CSMD3: variants seen among roughly 807,000 people sequenced by gnomAD.
CSMD3 encodes the protein CUB and sushi domain-containing protein 3.
In CSMD3, 177 loss-of-function variants were observed where a neutral mutation model predicts 435.2. The observed-to-expected ratio is 0.41, with a 90% confidence interval of 0.36 to 0.46. The LOEUF (loss-of-function observed/expected upper bound fraction) is 0.46, where lower values mean the gene tolerates loss of function less well. CSMD3 is among the 20% of genes least tolerant of loss of function. CSMD3 has a pLI of 0.34. For synonymous variants in CSMD3, 1,656 were observed against 1,520.5 expected, an observed-to-expected ratio of 1.09 and a Z score of -2.07; for missense variants, 4,265 against 4,504.6, an observed-to-expected ratio of 0.95 and a Z score of 1.52.
intron 1 of CSMD3, among the ~76,000 whole-genome samples, chr8:113,338,349 T>C (rs1289618295): frequency 6.6e-6 from 1 of 151,920 alleles, no homozygotes; most frequent in African/African-American, 2.4e-5. Flanking sequence ...AGATTATACA[T>C]AGAGTACCAT....
At chr8:112,987,927 A>G (rs1345469747) in intron 6 of CSMD3, among the ~76,000 whole-genome samples, 1 of 151,912 alleles carries the variant, frequency 6.6e-6, no homozygotes, top group African/African-American at 2.4e-5. Flanking sequence ...AGAGGAGGGC[A>G]ATGATGGGGA....
intron 7 of CSMD3, among the ~76,000 whole-genome samples, chr8:112,959,224 T>C (rs1207830451): frequency 1.3e-5 from 2 of 152,054 alleles, no homozygotes; most frequent in African/African-American, 2.4e-5. Flanking sequence ...TTAACTTTCA[T>C]GTTTGCATGG....
chr8:112,454,463 A>T (rs576052203), intron 32 of CSMD3, among the ~76,000 whole-genome samples: 24 of 152,344 alleles, frequency 1.6e-4, no homozygotes, highest in African/African-American at 5.5e-4. Flanking sequence ...TAACATGAAC[A>T]GGCATTTCTC....
chr8:112,346,871 G>T (rs1825729887), intron 40 of CSMD3, among the ~76,000 whole-genome samples: 1 of 151,486 alleles, frequency 6.6e-6, no homozygotes, highest in Admixed American at 6.6e-5. Context: ...GTAGAGACGG[G>T]GGTTTCATTG....
At chr8:112,582,210 G>A (rs887925295) in intron 23 of CSMD3, among the ~76,000 whole-genome samples, 2 of 151,844 alleles carry the variant, frequency 1.3e-5, no homozygotes, top group African/African-American at 2.4e-5. Flanking sequence ...TTGTCCCTTT[G>A]CTCTCTTGCT....
intron 4 of CSMD3, among the ~76,000 whole-genome samples, chr8:113,121,587 A>G (rs914563029): frequency 9.9e-5 from 15 of 152,142 alleles, no homozygotes; most frequent in Non-Finnish European, 1.9e-4. Flanking sequence ...TCAAAATACT[A>G]CATAATGGCT....
At chr8:112,385,622 T>C (rs1829870991) in intron 36 of CSMD3, among the ~76,000 whole-genome samples, 1 of 152,020 alleles carries the variant, frequency 6.6e-6, no homozygotes, top group Non-Finnish European at 1.5e-5. Context: ...AATGAGAGAC[T>C]CAAGTGTATT....
At chr8:112,437,598 T>C (rs964578496) in intron 32 of CSMD3, among the ~76,000 whole-genome samples, 2 of 151,880 alleles carry the variant, frequency 1.3e-5, no homozygotes, top group Admixed American at 6.6e-5. Context: ...TATATATATA[T>C]ACACAGATCT....
chr8:112,521,922 T>G (rs531757507), intron 27 of CSMD3, among the ~76,000 whole-genome samples: 2 of 151,762 alleles, frequency 1.3e-5, no homozygotes, highest in African/African-American at 4.8e-5. Context: ...AATAACCATA[T>G]AAAAATATGT....
At chr8:112,743,397 T>C (rs2077357469) in intron 13 of CSMD3, among the ~76,000 whole-genome samples, 1 of 151,968 alleles carries the variant, frequency 6.6e-6, no homozygotes. Context: ...TATGTTTTAA[T>C]TAATAGCAAG....
chr8:112,401,753 A>C (rs962240090), intron 35 of CSMD3, among the ~76,000 whole-genome samples: 1 of 152,152 alleles, frequency 6.6e-6, no homozygotes, highest in Admixed American at 6.5e-5. Flanking sequence ...ATTTTTCCTA[A>C]ACTTTCATAT....
intron 32 of CSMD3, among the ~76,000 whole-genome samples, chr8:112,456,014 C>T (rs1816805123): frequency 1.1e-5 from 1 of 91,246 alleles, no homozygotes; most frequent in Non-Finnish European, 2.4e-5. Flanking sequence ...CCACACTAGC[C>T]CTATACTCTG....
chr8:112,268,643 A>T (rs1349439574), intron 59 of CSMD3, among the ~76,000 whole-genome samples: 1 of 152,186 alleles, frequency 6.6e-6, no homozygotes, highest in Non-Finnish European at 1.5e-5. Flanking sequence ...CCAAAGACCT[A>T]TGGACTGGTG....
At chr8:112,401,838 T>C (rs1831370056) in intron 35 of CSMD3, among the ~76,000 whole-genome samples, 1 of 152,204 alleles carries the variant, frequency 6.6e-6, no homozygotes, top group South Asian at 2.1e-4. Flanking sequence ...CAGTACTCAA[T>C]GCTTTCAGCC....
At chr8:112,973,948 A>G (rs1343163530) in intron 7 of CSMD3, among the ~76,000 whole-genome samples, 1 of 151,938 alleles carries the variant, frequency 6.6e-6, no homozygotes, top group African/African-American at 2.4e-5. Context: ...TTTTACATCT[A>G]CTTTGAAAAA....
chr8:113,072,866 A>T (rs755326662), intron 5 of CSMD3, among the ~76,000 whole-genome samples: 1 of 151,658 alleles, frequency 6.6e-6, no homozygotes, highest in East Asian at 1.9e-4. Flanking sequence ...TCTTGTTCTT[A>T]TCATCACCCA....
intron 31 of CSMD3, among the ~76,000 whole-genome samples, chr8:112,487,713 G>T (rs1301564343): frequency 6.6e-6 from 1 of 152,072 alleles, no homozygotes; most frequent in Non-Finnish European, 1.5e-5. Flanking sequence ...TCTGGATAAG[G>T]TTAGACCTGC....
At chr8:112,248,702 A>C (rs559701781) in intron 63 of CSMD3, among the ~76,000 whole-genome samples, 1 of 152,294 alleles carries the variant, frequency 6.6e-6, no homozygotes, top group South Asian at 2.1e-4. Context: ...ATTCCATTTG[A>C]AACTTCAGAC....
intron 12 of CSMD3, among the ~76,000 whole-genome samples, chr8:112,823,851 G>A (rs2079598470): frequency 6.6e-6 from 1 of 152,110 alleles, no homozygotes; most frequent in African/African-American, 2.4e-5. Flanking sequence ...TTGATCCATA[G>A]ATCAATTCAA....
Sources: gnomAD v4.1 joint callset for allele counts (sites outside exome capture counted in the v4.1 genomes callset) on GRCh38, gnomAD v4.1.1 for gene constraint, MANE v1.5 for transcripts, NCBI Gene and HGNC (gene_info 2026-07-23, HGNC 2026-07-21) for gene names.